Variants in NUFIP2 observed in about 807,000 individuals in gnomAD.
NUFIP2 encodes the protein nuclear FMR1 interacting protein 2, also known as FMR1-interacting protein NUFIP2.
NUFIP2 carries 6 observed loss-of-function variants against 56.9 expected under a neutral mutation model. The ratio of observed to expected loss-of-function variants is 0.11; its 90% CI spans 0.06 to 0.21. The LOEUF (loss-of-function observed/expected upper bound fraction) is 0.21. NUFIP2 is among the 10% of genes least tolerant of loss of function. NUFIP2 has a pLI of 1.00. For missense variants in NUFIP2, 828 were observed against 826.8 expected (o/e 1.00, Z -0.02); for synonymous variants, 321 against 298.2 (o/e 1.08, Z -0.79).
In NUFIP2 at chr17:29,287,667, C is replaced by T. The variant is rs374799295; in HGVS notation, c.327G>A (p.Lys109=). The T allele has an allele frequency of 1.9e-6, 3 of 1,612,622 alleles. No individual in the cohort carries two copies. The highest frequency in any genetic ancestry group is 3.4e-5 in the Admixed American group (2 of 59,640). The change falls in exon 2 of 4, where the codon AAG becomes AAA. Residue 109 remains lysine (K), a synonymous_variant. Coordinates refer to ENST00000225388, the MANE Select transcript of NUFIP2 (RefSeq NM_020772.3). ...TGGTGGCTTCATCAGAACTCAGGTTCTTTAAAGATATTTCTCTTTCTCCAG... is the reference window on the plus strand; with the variant it reads ...TGGTGGCTTCATCAGAACTCAGGTTTTTTAAAGATATTTCTCTTTCTCCAG... ...GNAGEREISL[K]NLSSDEATNP...
chr17:29,293,018 T>C (rs2069227656), intron 1 of NUFIP2, among the ~76,000 whole-genome samples: 1 of 150,418 alleles, frequency 6.6e-6, no homozygotes, highest in Non-Finnish European at 1.5e-5. Flanking sequence ...CCTCCGCTCC[T>C]CAGTGGGCCG....
Position 29,256,925 on chromosome 17 carries a change from A to AC in NUFIP2, c.*7613dup, listed in dbSNP as rs2068974631. 1 of 152,216 alleles carries AC rather than the reference A, an allele frequency of 6.6e-6. No homozygotes were observed. The highest frequency in any genetic ancestry group is 1.5e-5 in the Non-Finnish European group (1 of 68,024). The allele number at this position is 152,216 out of a possible 1,614,324, so 9.4% of individuals were successfully genotyped here. On this transcript the variant is annotated 3_prime_UTR_variant, in exon 4 of 4. Coordinates refer to ENST00000225388, the MANE Select transcript of NUFIP2 (RefSeq NM_020772.3). ...AATCTCAAGCCAGTCAATTCAGTAA[A>AC]CCAAATTTATGCTAAAGCAATAAAG...
In NUFIP2 at chr17:29,259,589, T is replaced by TGGG. The variant is rs10550408; in HGVS notation, c.*4947_*4949dup. 1 of 107,012 alleles carries TGGG rather than the reference T, an allele frequency of 9.3e-6. No homozygotes were observed. The highest frequency in any genetic ancestry group is 3.6e-5 in the African/African-American group (1 of 28,138). 6.6% of individuals were successfully genotyped at this position (107,012 alleles called of 1,614,324 possible). A position where few individuals can be genotyped will look rare whatever the true frequency, so the allele number is the denominator to read the frequency against. ...ACAGTCCGTCTCAAAAAAAAAAAGG[T>TGGG]GGGGGGGGGGGGGATACTGCAGTAT... On this transcript the variant is annotated 3_prime_UTR_variant, in exon 4 of 4. Transcript: ENST00000225388.
intron 2 of NUFIP2, among the ~76,000 whole-genome samples, chr17:29,276,280 A>G (rs1273466107): frequency 6.6e-6 from 1 of 152,058 alleles, no homozygotes; most frequent in East Asian, 1.9e-4. Context: ...TCCTCCACCT[A>G]AAGTAATCTT....
rs575384948 is a variant in NUFIP2, at chr17:29,294,045, G to A, written c.15C>T (p.Pro5=). The A allele has an allele frequency of 1.7e-5, 28 of 1,601,516 alleles. No homozygotes were observed. In the South Asian group the frequency reaches 2.9e-4, roughly 17 times the overall value. The change falls in exon 1 of 4, where the codon CCC becomes CCT. Residue 5 remains proline (P), a synonymous_variant. Coordinates refer to ENST00000225388, the MANE Select transcript of NUFIP2 (RefSeq NM_020772.3). The part of the protein sequence containing the change: MEEK[P]GQPQPQHHHS... ...GATGGTGCTGAGGCTGTGGCTGGCC[G>A]GGCTTCTCCTCCATTGAAAGCGGCT...
At chr17:29,291,293 T>C (rs142438836) in intron 1 of NUFIP2, among the ~76,000 whole-genome samples, 302 of 152,270 alleles carry the variant, frequency 2.0e-3, no homozygotes, top group African/African-American at 6.9e-3. Flanking sequence ...GCTTTTCAAT[T>C]AGAAACAAAT....
intron 2 of NUFIP2, among the ~76,000 whole-genome samples, chr17:29,282,683 G>A (rs2069147723): frequency 6.6e-6 from 1 of 152,054 alleles, no homozygotes; most frequent in African/African-American, 2.4e-5. Context: ...TTGCTGAAGG[G>A]CTTATTTTTG....
At chr17:29,292,976 C>T (rs1346622987) in intron 1 of NUFIP2, among the ~76,000 whole-genome samples, 3 of 149,948 alleles carry the variant, frequency 2.0e-5, no homozygotes, top group African/African-American at 4.9e-5. Flanking sequence ...CACCCGGCTC[C>T]GCCGCCCCGT....
intron 1 of NUFIP2, among the ~76,000 whole-genome samples, chr17:29,288,336 G>A (rs894354697): frequency 6.6e-6 from 1 of 152,226 alleles, no homozygotes; most frequent in African/African-American, 2.4e-5. Flanking sequence ...TGAGCCACAC[G>A]CCCGGCCTAA....
At position 29,259,912 on chromosome 17, in the gene NUFIP2, T is replaced by A. The variant is rs2068993031; in HGVS notation, c.*4627A>T. 1 of 152,154 alleles carries A rather than the reference T, an allele frequency of 6.6e-6. No individual in the cohort carries two copies. The highest frequency in any genetic ancestry group is 1.5e-5 in the Non-Finnish European group (1 of 68,028). The allele number at this position is 152,154 out of a possible 1,614,324, so 9.4% of individuals were successfully genotyped here. A position where few individuals can be genotyped will look rare whatever the true frequency, so the allele number is the denominator to read the frequency against. On this transcript the variant is annotated 3_prime_UTR_variant, in exon 4 of 4. Transcript: ENST00000225388. ...AACTCAGTAAAGCAATGCTTTTGAG[T>A]GGAGCCAATGATTCATCACTCTCCC...
intron 1 of NUFIP2, among the ~76,000 whole-genome samples, chr17:29,292,606 GC>G (rs565915630): frequency 2.5e-5 from 3 of 118,496 alleles, no homozygotes; most frequent in Non-Finnish European, 3.6e-5. Context: ...TCCCCCCGCC[GC>G]CCCCCCAGGC....
intron 2 of NUFIP2, among the ~76,000 whole-genome samples, chr17:29,273,794 C>T (rs2069090890): frequency 6.6e-6 from 1 of 152,150 alleles, no homozygotes; most frequent in African/African-American, 2.4e-5. Flanking sequence ...AATTTCTTTA[C>T]ATCAAAACTT....
intron 3 of NUFIP2, among the ~76,000 whole-genome samples, chr17:29,264,979 C>T (rs2069025953): frequency 6.6e-6 from 1 of 152,204 alleles, no homozygotes; most frequent in Admixed American, 6.5e-5. Context: ...TTTTCTTTTG[C>T]TGTTCCCAGC....
chr17:29,281,524 A>G (rs1454135705), intron 2 of NUFIP2, among the ~76,000 whole-genome samples: 1 of 150,924 alleles, frequency 6.6e-6, no homozygotes, highest in East Asian at 2.0e-4. Context: ...GGCATAACAT[A>G]TTATATAAAA....
At chr17:29,270,639 T>C (rs2069066375) in intron 2 of NUFIP2, among the ~76,000 whole-genome samples, 1 of 152,124 alleles carries the variant, frequency 6.6e-6, no homozygotes, top group South Asian at 2.1e-4. Flanking sequence ...TAACTTGATA[T>C]TCATTTTGTC....
At chr17:29,271,936 G>C (rs1349310228) in intron 2 of NUFIP2, among the ~76,000 whole-genome samples, 1 of 151,646 alleles carries the variant, frequency 6.6e-6, no homozygotes, top group Non-Finnish European at 1.5e-5. Flanking sequence ...AGCCAAGTGT[G>C]GGGGCGGGCA....
At chr17:29,265,447 C>A (rs1290227994) in intron 3 of NUFIP2, among the ~76,000 whole-genome samples, 2 of 146,300 alleles carry the variant, frequency 1.4e-5, no homozygotes, top group East Asian at 3.9e-4. Flanking sequence ...GGACTACAGG[C>A]GCCCGCTACC....
At position 29,282,750 on chromosome 17, in the gene NUFIP2, T is replaced by TA. The variant is rs200200171; in HGVS notation, c.2002+3241dup. The stretch of plus-strand genomic sequence containing the variant: ...CTAAGCCCAACTTCAACTACTCACT[T>TA]AGAGATTACTACTGAACATCTGAAA... On this transcript the variant is annotated intron_variant, in intron 2 of 3. Transcript: ENST00000225388. Among the ~76,000 whole-genome samples, 859 of 152,248 alleles carry TA rather than the reference T, an allele frequency of 5.6e-3. 5 individuals are homozygous for TA. Among genetic ancestry groups the TA allele is most frequent in the African/African-American group, 0.02 (820 of 41,538 alleles).
rs967675142 is a variant in NUFIP2 at position 29,277,967 on chromosome 17, G to A, written c.2002+8025C>T. On this transcript the variant is annotated intron_variant, in intron 2 of 3. Transcript: ENST00000225388. ...GTAGAGGTAGCAGTGAGCCGAGATC[G>A]CGCCACTGGACTCCAGCCTGGGCAA... is the stretch of plus-strand genomic sequence containing the variant. Among the ~76,000 whole-genome samples the A allele has an allele frequency of 7.9e-5, 12 of 152,056 alleles. 1 individual carries two copies. The highest frequency in any genetic ancestry group is 2.4e-4 in the African/African-American group (10 of 41,426).
Sources: gnomAD v4.1 joint callset for allele counts (sites outside exome capture counted in the v4.1 genomes callset) on GRCh38, gnomAD v4.1.1 for gene constraint, MANE v1.5 for transcripts, NCBI Gene and HGNC (gene_info 2026-07-23, HGNC 2026-07-21) for gene names.